Variants in DISP1 observed in about 807,000 individuals in gnomAD.
DISP1 encodes protein dispatched homolog 1.
Under a neutral mutation model 37.3 loss-of-function variants are expected in DISP1, and 30 were observed. The observed-to-expected ratio is 0.80, with a 90% confidence interval of 0.60 to 1.09. The LOEUF is 1.09. Ranked by LOEUF, DISP1 falls within the 50% of genes least tolerant of loss-of-function variation. The probability of loss-of-function intolerance (pLI) is 0.00; values close to 1 mark genes in which losing one functional copy is unlikely to be tolerated. For missense variants in DISP1, 1,598 were observed against 1,879.5 expected (o/e 0.85, Z 2.77); for synonymous variants, 634 against 690.2 (o/e 0.92, Z 1.28).
At chr1:222,828,543 A>G (rs1231886842) in intron 1 of DISP1, among the ~76,000 whole-genome samples, 2 of 151,904 alleles carry the variant, frequency 1.3e-5, no homozygotes, top group African/African-American at 4.8e-5. Flanking sequence ...CCATTCCTTC[A>G]TGTGTATCGA....
At chr1:222,826,377 C>CTTTTTTTTT in intron 1 of DISP1, among the ~76,000 whole-genome samples, 1 of 110,414 alleles carries the variant, frequency 9.1e-6, no homozygotes, top group Non-Finnish European at 1.8e-5. Flanking sequence ...CACTTTAATA[C>CTTTTTTTTT]TTTTTTTTTT....
At chr1:222,924,924 C>G (rs1419737761) in intron 1 of DISP1, among the ~76,000 whole-genome samples, 1 of 151,998 alleles carries the variant, frequency 6.6e-6, no homozygotes, top group Non-Finnish European at 1.5e-5. Flanking sequence ...TTTTTCCCTC[C>G]CCCATGCCCT....
At chr1:222,920,795 A>G (rs145288932) in intron 1 of DISP1, among the ~76,000 whole-genome samples, 22 of 152,156 alleles carry the variant, frequency 1.4e-4, no homozygotes, top group Non-Finnish European at 2.8e-4. Context: ...TAAAATATGT[A>G]CCCCAGTTTC....
At chr1:222,859,277 A>G (rs915813783) in intron 1 of DISP1, among the ~76,000 whole-genome samples, 2 of 152,244 alleles carry the variant, frequency 1.3e-5, no homozygotes, top group African/African-American at 4.8e-5. Context: ...TGGGAGCTGA[A>G]CAATGAGAAC....
chr1:222,977,236 G>T (rs907417501), intron 3 of DISP1, among the ~76,000 whole-genome samples: 13 of 151,298 alleles, frequency 8.6e-5, no homozygotes, highest in African/African-American at 3.2e-4. Context: ...GTTTCTCCAT[G>T]TTGGTCAGGC....
intron 4 of DISP1, among the ~76,000 whole-genome samples, chr1:222,986,890 G>A (rs1256713892): frequency 1.3e-5 from 2 of 151,904 alleles, no homozygotes. Context: ...GTTATATTGT[G>A]GTGTCTAAAG....
intron 3 of DISP1, among the ~76,000 whole-genome samples, chr1:222,957,235 C>T (rs1194223723): frequency 6.6e-6 from 1 of 151,098 alleles, no homozygotes; most frequent in Non-Finnish European, 1.5e-5. Flanking sequence ...TATATTTTGA[C>T]CTTTAATACT....
chr1:222,915,760 T>C (rs1572501064), intron 1 of DISP1, among the ~76,000 whole-genome samples: 2 of 152,248 alleles, frequency 1.3e-5, no homozygotes, highest in Non-Finnish European at 2.9e-5. Context: ...TAAATGTCTC[T>C]TCTGTTTCTT....
chr1:222,831,453 A>G (rs970689671), intron 1 of DISP1, among the ~76,000 whole-genome samples: 2 of 152,254 alleles, frequency 1.3e-5, no homozygotes, highest in Admixed American at 6.5e-5. Context: ...AGGTAGATTT[A>G]TAAATAGCTG....
intron 1 of DISP1, among the ~76,000 whole-genome samples, chr1:222,857,315 A>G (rs1244626541): frequency 1.3e-5 from 2 of 152,000 alleles, no homozygotes; most frequent in Non-Finnish European, 2.9e-5. Flanking sequence ...AAGAATAAAG[A>G]TTGTAGACTT....
chr1:222,943,106 A>G lies in DISP1; in HGVS notation c.283A>G (p.Ser95Gly). Residue 95 changes from serine to glycine, a missense_variant, in exon 3 of 9, where the codon AGC becomes GGC. Ser to Gly is a moderately conservative substitution (Grantham distance 56, BLOSUM62 0). Coordinates refer to ENST00000675850, the MANE Select transcript of DISP1 (RefSeq NM_001377229.1). ...ATACCATCACCCTTTGACTAGCCATAGCAGTCACCAAGAGTGCCATCCCGA... is the reference window on the plus strand; with the variant it reads ...ATACCATCACCCTTTGACTAGCCATGGCAGTCACCAAGAGTGCCATCCCGA... ...CPYHHPLTSH[S>G]SHQECHPEAG... 1 of 1,614,132 alleles carries G rather than the reference A, an allele frequency of 6.2e-7. No homozygotes were observed. The highest frequency in any genetic ancestry group is 8.5e-7 in the Non-Finnish European group (1 of 1,180,002).
intron 2 of DISP1, among the ~76,000 whole-genome samples, chr1:222,934,842 A>C (rs1377159550): frequency 6.6e-6 from 1 of 152,170 alleles, no homozygotes; most frequent in Admixed American, 6.6e-5. Flanking sequence ...ATGCACAAAA[A>C]ACAGTTTGGG....
intron 1 of DISP1, among the ~76,000 whole-genome samples, chr1:222,831,775 A>G (rs1211373301): frequency 6.6e-6 from 1 of 152,148 alleles, no homozygotes; most frequent in Admixed American, 6.6e-5. Context: ...CATGTGTTTG[A>G]GGGACCAGTT....
At chr1:222,850,624 G>C (rs1443354734) in intron 1 of DISP1, among the ~76,000 whole-genome samples, 1 of 152,044 alleles carries the variant, frequency 6.6e-6, no homozygotes, top group Non-Finnish European at 1.5e-5. Flanking sequence ...CCCAATGTCT[G>C]TTGTTTCCTT....
chr1:222,857,108 A>T (rs78802346), intron 1 of DISP1, among the ~76,000 whole-genome samples: 12,370 of 152,126 alleles, frequency 0.081, 566 homozygotes, highest in Non-Finnish European at 0.098. Context: ...GCATTTTAAA[A>T]TGTCTTAATT....
chr1:222,986,680 G>A (rs977548230), intron 4 of DISP1, among the ~76,000 whole-genome samples: 39 of 152,174 alleles, frequency 2.6e-4, no homozygotes, highest in African/African-American at 9.2e-4. Context: ...AGGAGAATGA[G>A]CCCTTCAGAT....
intron 1 of DISP1, among the ~76,000 whole-genome samples, chr1:222,820,699 A>G (rs998975707): frequency 6.6e-6 from 1 of 152,228 alleles, no homozygotes; most frequent in African/African-American, 2.4e-5. Context: ...TAGGCAAGTT[A>G]CTGAACTTTA....
intron 1 of DISP1, among the ~76,000 whole-genome samples, chr1:222,910,734 C>T (rs1035564336): frequency 1.3e-5 from 2 of 152,162 alleles, no homozygotes; most frequent in African/African-American, 4.8e-5. Flanking sequence ...TGAGTCAAAG[C>T]AGTCTAAACA....
intron 1 of DISP1, among the ~76,000 whole-genome samples, chr1:222,821,878 CAAAAAAA>C (rs35160286): frequency 1.1e-4 from 8 of 73,592 alleles, no homozygotes; most frequent in Non-Finnish European, 1.9e-4. Flanking sequence ...GACTCCATCT[CAAAAAAA>C]AAAAAAAAAA....
Sources: allele counts gnomAD v4.1 joint callset (sites outside exome capture counted in the v4.1 genomes callset), GRCh38; gene constraint gnomAD v4.1.1; transcripts MANE v1.5; gene names NCBI Gene and HGNC (gene_info 2026-07-23, HGNC 2026-07-21).